ATRNL1: variants seen among roughly 807,000 people sequenced by gnomAD.
ATRNL1 encodes attractin-like protein 1.
In ATRNL1, 95 loss-of-function variants were observed where a neutral mutation model predicts 182.7. The ratio of observed to expected loss-of-function variants is 0.52; its 90% CI spans 0.44 to 0.62. The LOEUF is 0.62. Ranked by LOEUF, ATRNL1 falls within the 20% of genes least tolerant of loss-of-function variation. The pLI, the probability that ATRNL1 is intolerant of heterozygous loss-of-function variation, is 0.00. For missense variants in ATRNL1, 1,471 were observed against 1,679.5 expected (o/e 0.88, Z 2.17); for synonymous variants, 576 against 568.3 (o/e 1.01, Z -0.19).
At chr10:115,207,385 C>A (rs536448635) in intron 8 of ATRNL1, among the ~76,000 whole-genome samples, 16 of 152,248 alleles carry the variant, frequency 1.1e-4, no homozygotes, top group African/African-American at 3.6e-4. Context: ...GCCGTTCTAA[C>A]TGGCATGAGA....
At chr10:115,921,292 TC>T (rs1953052573) in intron 28 of ATRNL1, among the ~76,000 whole-genome samples, 1 of 150,412 alleles carries the variant, frequency 6.6e-6, no homozygotes, top group African/African-American at 2.4e-5. Context: ...TTATAGATAG[TC>T]TAAAGGATAT....
intron 15 of ATRNL1, among the ~76,000 whole-genome samples, chr10:115,299,465 A>C (rs1853366047): frequency 1.3e-5 from 2 of 152,130 alleles, no homozygotes; most frequent in Non-Finnish European, 2.9e-5. Context: ...TCCAAAAATC[A>C]TATAGAAGTC....
rs1953917274 is a variant in ATRNL1, at chr10:115,948,147, CATTTAGTCAATAA to C, written c.*3370_*3382del. 6.6e-6 allele frequency: 1 copy of C among 152,208 alleles called. No individual in the cohort carries two copies. Among genetic ancestry groups the C allele is most frequent in the African/African-American group, 2.4e-5 (1 of 41,458 alleles). 9.4% of individuals were successfully genotyped at this position (152,208 alleles called of 1,614,324 possible). On this transcript the variant is annotated 3_prime_UTR_variant, in exon 29 of 29. Transcript: ENST00000355044. ...AGGGATTTCTACAAAACGACTTTGA[CATTTAGTCAATAA>C]AGACTTAAACTCTTCTTAAATCTAT...
chr10:115,476,258 C>T (rs1272560316), intron 24 of ATRNL1, among the ~76,000 whole-genome samples: 3 of 151,094 alleles, frequency 2.0e-5, no homozygotes, highest in South Asian at 4.2e-4. Flanking sequence ...ATTTAGTTTT[C>T]GCTATGGTCA....
intron 10 of ATRNL1, among the ~76,000 whole-genome samples, chr10:115,248,207 C>T (rs114225178): frequency 0.012 from 1,785 of 152,074 alleles, 33 homozygotes; most frequent in African/African-American, 0.04. Context: ...GATAAATGTT[C>T]GAGATGATTG....
intron 27 of ATRNL1, among the ~76,000 whole-genome samples, chr10:115,797,063 A>G (rs1201987484): frequency 3.9e-5 from 6 of 152,218 alleles, no homozygotes; most frequent in African/African-American, 1.2e-4. Context: ...GAAGCATTAC[A>G]TAGGAATAAC....
rs144453430 is a variant in ATRNL1, at chr10:115,506,334, A to G, written c.3655-12929A>G. Among the ~76,000 whole-genome samples, 13 of 152,254 alleles carry G rather than the reference A, an allele frequency of 8.5e-5. No homozygotes were observed. The East Asian group carries it at 2.5e-3, about 29-fold the overall frequency. ...AAATAGGAACAAACATACAACAACAACAAAAACAGTTAAACAAACAAACGA... is the reference window on the plus strand; with the variant it reads ...AAATAGGAACAAACATACAACAACAGCAAAAACAGTTAAACAAACAAACGA... On this transcript the variant is annotated intron_variant, in intron 24 of 28. Transcript: ENST00000355044.
chr10:115,284,526 A>T (rs1309113110), intron 14 of ATRNL1, among the ~76,000 whole-genome samples: 6 of 152,212 alleles, frequency 3.9e-5, no homozygotes, highest in African/African-American at 1.4e-4. Context: ...TTATTGAGGG[A>T]TTACTATGTT....
rs201823664 is a variant in ATRNL1 at position 115,206,935 on chromosome 10, G to A, written c.1349-8762G>A. ...CTCCCACCTATGAGTGAGAACATGC[G>A]GTGTTTGGTTTTCTGTCCTTACGAT... On this transcript the variant is annotated intron_variant, in intron 8 of 28. Transcript: ENST00000355044. Among the ~76,000 whole-genome samples, 24 of 152,190 alleles carry A rather than the reference G, an allele frequency of 1.6e-4. No homozygotes were observed. The East Asian group carries it at 3.7e-3, about 23-fold the overall frequency.
intron 5 of ATRNL1, among the ~76,000 whole-genome samples, chr10:115,156,514 C>G (rs1846525312): frequency 1.3e-5 from 2 of 152,092 alleles, no homozygotes; most frequent in South Asian, 2.1e-4. Context: ...TGGGATATAT[C>G]AGAGCACAAT....
At chr10:115,571,313 G>A (rs964683339) in intron 26 of ATRNL1, among the ~76,000 whole-genome samples, 7 of 152,184 alleles carry the variant, frequency 4.6e-5, no homozygotes, top group African/African-American at 1.7e-4. Flanking sequence ...AGGAAGGAGT[G>A]ATGAAGAATT....
At chr10:115,576,111 C>G (rs531146122) in intron 26 of ATRNL1, among the ~76,000 whole-genome samples, 3 of 152,044 alleles carry the variant, frequency 2.0e-5, no homozygotes, top group South Asian at 2.1e-4. Flanking sequence ...GGTATATACA[C>G]CACAATTTCT....
chr10:115,252,567 G>C (rs1242835882), intron 10 of ATRNL1, among the ~76,000 whole-genome samples: 2 of 152,190 alleles, frequency 1.3e-5, no homozygotes, highest in Non-Finnish European at 2.9e-5. Flanking sequence ...TTTCTGCAGT[G>C]TCAGATGATT....
At chr10:115,549,352 A>G in intron 25 of ATRNL1, 106 bp from the exon 26 acceptor site, 1 of 623,142 alleles carries the variant, frequency 1.6e-6, no homozygotes, top group South Asian at 5.5e-5. Context: ...TACCTAGACA[A>G]AGTTATTACT....
chr10:115,307,681 T>G (rs1207151697), intron 17 of ATRNL1, among the ~76,000 whole-genome samples: 1 of 152,202 alleles, frequency 6.6e-6, no homozygotes, highest in African/African-American at 2.4e-5. Flanking sequence ...ATCCACTGTT[T>G]GTGAATAATG....
chr10:115,716,583 C>T (rs1947259344), intron 26 of ATRNL1, among the ~76,000 whole-genome samples: 1 of 151,984 alleles, frequency 6.6e-6, no homozygotes, highest in South Asian at 2.1e-4. Flanking sequence ...GCATTAATTC[C>T]CAGAATCAGG....
intron 19 of ATRNL1, among the ~76,000 whole-genome samples, chr10:115,388,745 A>G (rs1255661561): frequency 6.6e-6 from 1 of 151,854 alleles, no homozygotes; most frequent in Non-Finnish European, 1.5e-5. Flanking sequence ...AATAATATTT[A>G]CATTCATGGA....
chr10:115,374,793 T>C (rs1554949067), intron 19 of ATRNL1, among the ~76,000 whole-genome samples: 1 of 151,918 alleles, frequency 6.6e-6, no homozygotes, highest in Non-Finnish European at 1.5e-5. Flanking sequence ...TTTTTCCTCC[T>C]GTTACTGATT....
chr10:115,883,143 C>T (rs1555109011), intron 28 of ATRNL1, among the ~76,000 whole-genome samples: 2 of 152,134 alleles, frequency 1.3e-5, no homozygotes, highest in African/African-American at 2.4e-5. Flanking sequence ...TCTTCTGGAC[C>T]CTGGACAACT....
Sources: allele counts gnomAD v4.1 joint callset (sites outside exome capture counted in the v4.1 genomes callset), GRCh38; gene constraint gnomAD v4.1.1; transcripts MANE v1.5; gene names NCBI Gene and HGNC (gene_info 2026-07-23, HGNC 2026-07-21).